Variants in ZNF625 observed in about 807,000 individuals in gnomAD.
ZNF625 encodes zinc finger protein 625.
In ZNF625, 8 loss-of-function variants were observed where a neutral mutation model predicts 11.1. The observed-to-expected ratio is 0.72, with a 90% CI of 0.42 to 1.30. The LOEUF is 1.30. Among genes scored for constraint, ZNF625 ranks in the 50% most tolerant of loss-of-function variants. The pLI is 0.01. For missense variants in ZNF625, 349 were observed against 447.6 expected (o/e 0.78, Z 1.99); for synonymous variants, 145 against 153.4 (o/e 0.95, Z 0.41).
chr19:12,155,878 G>T (rs1977018875), intron 1 of ZNF625, among the ~76,000 whole-genome samples: 1 of 151,790 alleles, frequency 6.6e-6, no homozygotes, highest in Non-Finnish European at 1.5e-5. Context: ...TTGAGACAGG[G>T]TCTCGCTCAG....
In ZNF625 at chr19:12,147,708, A is replaced by C; in HGVS notation, c.98T>G (p.Met33Arg). ...AGCCAGGTTCCTGAAGGTTTCCTGC[A>C]TCACATCTCTGTAGAGATTCTTCTG... ...PSQKNLYRDV[M>R]QETFRNLASV... The change falls in exon 2 of 4, where the codon ATG becomes AGG. Residue 33 changes from methionine to arginine, a missense_variant. Transcript: ENST00000439556. The C allele has an allele frequency of 6.2e-7, 1 of 1,614,090 alleles. No homozygotes were observed. The highest frequency in any genetic ancestry group is 8.5e-7 in the Non-Finnish European group (1 of 1,179,994).
chr19:12,155,139 T>C (rs1977009132), intron 1 of ZNF625, among the ~76,000 whole-genome samples: 1 of 151,640 alleles, frequency 6.6e-6, no homozygotes, highest in African/African-American at 2.4e-5. Context: ...GGCAGGAGAA[T>C]TGCTTGAACC....
rs745344335 is a variant in ZNF625 at position 12,146,062 on chromosome 19, A to G, written c.354T>C (p.Ala118=). The G allele has an allele frequency of 6.2e-7, 1 of 1,614,108 alleles. No homozygotes were observed. ...ACTCATATGGCTTGTGTCCAGTGTC[A>G]GCTCTGTGGTGCCTATTAAGGGATG... ...GHASLNRHHR[A]DTGHKPYEYQ... Residue 118 remains alanine, a synonymous_variant, in exon 4 of 4, where the codon GCT becomes GCC. Transcript: ENST00000439556.
intron 1 of ZNF625, among the ~76,000 whole-genome samples, chr19:12,148,324 C>CTA (rs1976906207): frequency 6.6e-6 from 1 of 151,860 alleles, no homozygotes; most frequent in Non-Finnish European, 1.5e-5. Context: ...CTAACTAAAA[C>CTA]AAAAAATCAA....
chr19:12,151,757 C>T (rs1041420366), intron 1 of ZNF625, among the ~76,000 whole-genome samples: 2 of 151,996 alleles, frequency 1.3e-5, no homozygotes, highest in Non-Finnish European at 2.9e-5. Context: ...TCAAGAGATC[C>T]CCTTACCTCA....
chr19:12,152,172 A>G (rs2145613473), intron 1 of ZNF625, among the ~76,000 whole-genome samples: 1 of 152,310 alleles, frequency 6.6e-6, no homozygotes. Flanking sequence ...CGTTACATGT[A>G]ATATTTACCA....
In ZNF625 at chr19:12,153,434, CG is replaced by C. The variant is rs1976984007; in HGVS notation, c.3+3121del. 2.6e-5 allele frequency among the ~76,000 whole-genome samples: 4 copies of C among 151,732 alleles called. 1 individual carries two copies. In the South Asian group the frequency reaches 8.3e-4, roughly 32 times the overall value. ...GGTGCAGTAGTTCATGCCTGTAATC[CG>C]GCATTTTGGGAAGCCAAGGCGGGTG... On this transcript the variant is annotated intron_variant, in intron 1 of 3. Transcript: ENST00000439556.
chr19:12,156,583 C>T lies in ZNF625; in HGVS notation c.-25G>A, dbSNP rs544007818. ...TTTCCCGGCTTCCAGGTGTCCTGGCCTCCTCTCCACGGATCCCTCTAACAG... is the reference window on the plus strand; with the variant it reads ...TTTCCCGGCTTCCAGGTGTCCTGGCTTCCTCTCCACGGATCCCTCTAACAG... On this transcript the variant is annotated 5_prime_UTR_variant, in exon 1 of 4. Coordinates refer to ENST00000439556, the MANE Select transcript of ZNF625 (RefSeq NM_145233.4). 9 of 1,380,780 alleles carry T rather than the reference C, an allele frequency of 6.5e-6. No individual in the cohort carries two copies. In the Admixed American group the frequency reaches 1.2e-4, roughly 18 times the overall value. 85.5% of individuals were successfully genotyped at this position (1,380,780 alleles called of 1,614,324 possible).
At chr19:12,148,731 C>T (rs551250285) in intron 1 of ZNF625, among the ~76,000 whole-genome samples, 2 of 150,530 alleles carry the variant, frequency 1.3e-5, no homozygotes, top group African/African-American at 4.9e-5. Flanking sequence ...AAGCAATTTT[C>T]TGCCTCAGCC....
intron 1 of ZNF625, among the ~76,000 whole-genome samples, chr19:12,153,877 A>C (rs1299134260): frequency 1.5e-5 from 2 of 131,208 alleles, no homozygotes; most frequent in Non-Finnish European, 1.5e-5. Flanking sequence ...GGGTGATCTC[A>C]GCTCACTGCA....
chr19:12,155,708 T>G (rs1159987887), intron 1 of ZNF625, among the ~76,000 whole-genome samples: 1 of 152,254 alleles, frequency 6.6e-6, no homozygotes, highest in Non-Finnish European at 1.5e-5. Context: ...TGCAGAGTTT[T>G]GCTCTTTCCG....
chr19:12,152,843 TA>T (rs568715959), intron 1 of ZNF625, among the ~76,000 whole-genome samples: 14 of 143,894 alleles, frequency 9.7e-5, no homozygotes, highest in African/African-American at 7.6e-5. Flanking sequence ...GACTCCATCT[TA>T]AAAAAAAAAA....
Position 12,145,972 on chromosome 19 carries a change from G to A in ZNF625, c.444C>T (p.Pro148=), listed in dbSNP as rs1305122996. The change falls in exon 4 of 4, where the codon CCC becomes CCT. Residue 148 remains proline (P), a synonymous_variant. Coordinates refer to ENST00000439556, the MANE Select transcript of ZNF625 (RefSeq NM_145233.4). Reference sequence around the variant, plus strand: ...GAGCCCATTCATGTGTTCGAAAGTAGGGGAGATCACTGAAGGCTTTCTTAC... The same window carrying A: ...GAGCCCATTCATGTGTTCGAAAGTAAGGGAGATCACTGAAGGCTTTCTTAC... ...TYCKKAFSDL[P]YFRTHEWAHT... is the part of the protein sequence containing the mutation. 6.2e-7 allele frequency: 1 copy of A among 1,614,174 alleles called. No individual in the cohort carries two copies. Among genetic ancestry groups the A allele is most frequent in the East Asian group, 2.2e-5 (1 of 44,888 alleles).
chr19:12,153,136 G>A (rs1568390858), intron 1 of ZNF625, among the ~76,000 whole-genome samples: 1 of 151,782 alleles, frequency 6.6e-6, no homozygotes, highest in South Asian at 2.1e-4. Flanking sequence ...GGTGGATCAC[G>A]AGGTCAGGAG....
chr19:12,153,607 C>T (rs565650391), intron 1 of ZNF625, among the ~76,000 whole-genome samples: 2 of 149,288 alleles, frequency 1.3e-5, no homozygotes, highest in Non-Finnish European at 3.0e-5. Flanking sequence ...TCGCTTGAAC[C>T]TGGGAGGGGG....
intron 1 of ZNF625, 99 bp downstream of exon 1, chr19:12,156,457 G>A (rs1977028497): frequency 3.8e-6 from 4 of 1,042,220 alleles, no homozygotes; most frequent in South Asian, 2.7e-5. Flanking sequence ...CTGCAGACCC[G>A]AAGTCGCTGC....
At chr19:12,151,443 C>G (rs953314122) in intron 1 of ZNF625, among the ~76,000 whole-genome samples, 2 of 149,482 alleles carry the variant, frequency 1.3e-5, no homozygotes, top group Admixed American at 1.3e-4. Context: ...TGCAGTGGCA[C>G]GATCTCGGCT....
At chr19:12,152,443 C>T (rs1200830916) in intron 1 of ZNF625, among the ~76,000 whole-genome samples, 1 of 152,134 alleles carries the variant, frequency 6.6e-6, no homozygotes, top group African/African-American at 2.4e-5. Context: ...CTCTGAAAAT[C>T]CATTCATGCA....
chr19:12,145,847 G>T lies in ZNF625; in HGVS notation c.569C>A (p.Pro190His). The T allele has an allele frequency of 6.2e-7, 1 of 1,614,166 alleles. No individual in the cohort carries two copies. Among genetic ancestry groups the T allele is most frequent in the South Asian group, 1.1e-5 (1 of 91,088 alleles). The change falls in exon 4 of 4, where the codon CCC (proline) becomes CAC (histidine). Residue 190 changes from proline to histidine, a missense_variant. Transcript: ENST00000439556. ...TTTCCCACAAAAGTTACATTTGTAG[G>T]GTCCATCTCCACTGTGCATTATCCT... ...RHRIMHSGDG[P>H]YKCNFCGKAL...
Sources: gnomAD v4.1 joint callset for allele counts (sites outside exome capture counted in the v4.1 genomes callset) on GRCh38, gnomAD v4.1.1 for gene constraint, MANE v1.5 for transcripts, NCBI Gene and HGNC (gene_info 2026-07-23, HGNC 2026-07-21) for gene names.